Variants in METTL25 observed in about 807,000 individuals in gnomAD.
METTL25 encodes probable methyltransferase-like protein 25.
In METTL25, 64 loss-of-function variants were observed where a neutral mutation model predicts 71.6. The observed-to-expected ratio is 0.89, with a 90% CI of 0.73 to 1.10. METTL25 has a LOEUF of 1.10. Among genes scored for constraint, METTL25 ranks in the 50% least tolerant of loss-of-function variants. The pLI, the probability that METTL25 is intolerant of heterozygous loss-of-function variation, is 0.00. For synonymous variants in METTL25, 287 were observed against 250.3 expected (o/e 1.15, Z -1.38); for missense variants, 807 against 707.0 (o/e 1.14, Z -1.60).
In METTL25 at chr12:82,460,669, G is replaced by A. The variant is rs112751310; in HGVS notation, c.1572+3849G>A. On this transcript the variant is annotated intron_variant, in intron 9 of 11. Coordinates refer to ENST00000248306, the MANE Select transcript of METTL25 (RefSeq NM_032230.3). ...GATCAGTACTTCTCAAAACTGTCAA[G>A]GTCTGCAAATCAAGACAAGTTTGAG... is the stretch of plus-strand genomic sequence containing the variant. Among the ~76,000 whole-genome samples, 4 of 152,272 alleles carry A rather than the reference G, an allele frequency of 2.6e-5. No individual in the cohort carries two copies. In the South Asian group the frequency reaches 8.3e-4, roughly 32 times the overall value.
At chr12:82,467,780 T>G (rs567813197) in intron 9 of METTL25, among the ~76,000 whole-genome samples, 2 of 152,228 alleles carry the variant, frequency 1.3e-5, no homozygotes, top group South Asian at 4.1e-4. Flanking sequence ...TGTTTGGGTT[T>G]AATCTATTTG....
At chr12:82,423,377 A>G (rs892172509) in intron 5 of METTL25, among the ~76,000 whole-genome samples, 11 of 152,334 alleles carry the variant, frequency 7.2e-5, no homozygotes, top group African/African-American at 1.9e-4. Context: ...CTTACACCTT[A>G]TACAAAAATT....
Position 82,477,683 on chromosome 12 carries a change from G to A in METTL25, c.1719+331G>A, listed in dbSNP as rs117570142. On this transcript the variant is annotated intron_variant, in intron 11 of 11. Coordinates refer to ENST00000248306, the MANE Select transcript of METTL25 (RefSeq NM_032230.3). Reference sequence around the variant, plus strand: ...TAGACATAAAAGATATTGTATAAGCGTTTCATTTTGTAAGAATTTGTCTTT... The same window carrying A: ...TAGACATAAAAGATATTGTATAAGCATTTCATTTTGTAAGAATTTGTCTTT... 1.7e-3 allele frequency among the ~76,000 whole-genome samples: 255 copies of A among 151,772 alleles called. 3 individuals are homozygous for A. Among genetic ancestry groups the A allele is most frequent in the Admixed American group, 9.5e-3 (145 of 15,256 alleles).
At chr12:82,408,414 G>GA (rs1042300446) in intron 5 of METTL25, among the ~76,000 whole-genome samples, 7 of 151,798 alleles carry the variant, frequency 4.6e-5, no homozygotes, top group Non-Finnish European at 7.4e-5. Flanking sequence ...AAAACCTGGG[G>GA]AAAAAAACAC....
intron 1 of METTL25, among the ~76,000 whole-genome samples, chr12:82,368,741 T>C (rs1346703747): frequency 6.6e-6 from 1 of 152,204 alleles, no homozygotes; most frequent in African/African-American, 2.4e-5. Flanking sequence ...TCAGACCTTA[T>C]TAGTCCCTGC....
intron 1 of METTL25, among the ~76,000 whole-genome samples, chr12:82,365,311 T>C (rs1173049236): frequency 2.0e-5 from 3 of 152,238 alleles, no homozygotes; most frequent in South Asian, 4.1e-4. Context: ...TGTGGAAATA[T>C]AGTACTTTAT....
At position 82,399,295 on chromosome 12, in the gene METTL25, A is replaced by G. The variant is rs1886374813; in HGVS notation, c.1032A>G (p.Arg344=). The G allele has an allele frequency of 1.1e-5, 17 of 1,613,374 alleles. No individual in the cohort carries two copies. Among genetic ancestry groups the G allele is most frequent in the Non-Finnish European group, 1.4e-5 (17 of 1,179,652 alleles). The change falls in exon 4 of 12, where the codon AGA becomes AGG. Residue 344 remains arginine (R), a synonymous_variant. Coordinates refer to ENST00000248306, the MANE Select transcript of METTL25 (RefSeq NM_032230.3). ...CATCTGAAGCCAATAAAGAGAGAAG[A>G]AAAATGACATCAAAGTCAAGTGAAT... The part of the protein sequence containing the change: ...RETSEANKER[R]KMTSKSSESN...
At chr12:82,478,326 T>C (rs955605999) in intron 11 of METTL25, among the ~76,000 whole-genome samples, 1 of 151,800 alleles carries the variant, frequency 6.6e-6, no homozygotes, top group Non-Finnish European at 1.5e-5. Flanking sequence ...GAAATGTTAT[T>C]TTTAATATTT....
chr12:82,400,173 A>G (rs202031438), intron 4 of METTL25, among the ~76,000 whole-genome samples: 1 of 151,516 alleles, frequency 6.6e-6, no homozygotes, highest in African/African-American at 2.4e-5. Context: ...AATACAAAAA[A>G]AAATATATAT....
chr12:82,389,970 T>C, intron 3 of METTL25, 48 bp downstream of exon 3: 2 of 1,029,182 alleles, frequency 1.9e-6, no homozygotes, highest in Non-Finnish European at 3.0e-6. Flanking sequence ...ATTGCCACTT[T>C]TTGGTATTAT....
At chr12:82,469,272 G>A (rs2137296537) in intron 9 of METTL25, among the ~76,000 whole-genome samples, 1 of 152,242 alleles carries the variant, frequency 6.6e-6, no homozygotes, top group East Asian at 1.9e-4. Flanking sequence ...GAGACCTTCT[G>A]TGTTAGTCTG....
chr12:82,374,557 G>A (rs578198748), intron 1 of METTL25, among the ~76,000 whole-genome samples: 1 of 152,168 alleles, frequency 6.6e-6, no homozygotes, highest in African/African-American at 2.4e-5. Context: ...GACACAGAGT[G>A]CTGATTGGTG....
chr12:82,430,909 G>C lies in METTL25; in HGVS notation c.1296G>C (p.Lys432Asn), dbSNP rs770256096. ...CATCTGCAGAACGTACTCAGGAAAA[G>C]TGGGGATTTCCAATGTGCCACTATT... ...ENQHKERTQE[K>N]WGFPMCHYLK... The change falls in exon 6 of 12, where the codon AAG becomes AAC. Residue 432 changes from lysine (K) to asparagine (N), a missense_variant. Coordinates refer to ENST00000248306, the MANE Select transcript of METTL25 (RefSeq NM_032230.3). 3.1e-6 allele frequency: 5 copies of C among 1,591,864 alleles called. No individual in the cohort carries two copies. Among genetic ancestry groups the C allele is most frequent in the African/African-American group, 1.4e-5 (1 of 74,026 alleles).
At chr12:82,418,361 CAT>C (rs963350191) in intron 5 of METTL25, among the ~76,000 whole-genome samples, 1 of 152,222 alleles carries the variant, frequency 6.6e-6, no homozygotes, top group East Asian at 1.9e-4. Flanking sequence ...GCACATCAAA[CAT>C]AAAGGTGTAG....
chr12:82,377,592 C>T (rs1884002103), intron 1 of METTL25, among the ~76,000 whole-genome samples: 1 of 151,764 alleles, frequency 6.6e-6, no homozygotes, highest in Non-Finnish European at 1.5e-5. Context: ...ATTTAGTCTA[C>T]CAGTGAAAAA....
chr12:82,389,681 A>G, intron 2 of METTL25, 135 bp from the exon 3 acceptor site: 1 of 529,664 alleles, frequency 1.9e-6, no homozygotes, highest in Non-Finnish European at 3.4e-6. Context: ...CTAAGCTAGT[A>G]GAGATCTATC....
chr12:82,479,158 C>A lies in METTL25; in HGVS notation c.*134C>A. ...TGTATTTTAAATAATAAAATAATGGCTAACAACAGAAGGTTATAATCCATT... is the reference window on the plus strand; with the variant it reads ...TGTATTTTAAATAATAAAATAATGGATAACAACAGAAGGTTATAATCCATT... On this transcript the variant is annotated 3_prime_UTR_variant, in exon 12 of 12. Coordinates refer to ENST00000248306, the MANE Select transcript of METTL25 (RefSeq NM_032230.3). 2 of 588,228 alleles carry A rather than the reference C, an allele frequency of 3.4e-6. No individual in the cohort carries two copies. Among genetic ancestry groups the A allele is most frequent in the African/African-American group, 1.9e-5 (1 of 53,938 alleles). 36.4% of individuals were successfully genotyped at this position (588,228 alleles called of 1,614,324 possible). A position where few individuals can be genotyped will look rare whatever the true frequency, so the allele number is the denominator to read the frequency against.
chr12:82,459,102 G>A (rs372644440), intron 9 of METTL25, among the ~76,000 whole-genome samples: 1 of 151,912 alleles, frequency 6.6e-6, no homozygotes. Context: ...AAATTACAAA[G>A]CATACTAGAA....
intron 3 of METTL25, among the ~76,000 whole-genome samples, chr12:82,393,869 T>TA (rs1404952341): frequency 6.6e-6 from 1 of 152,044 alleles, no homozygotes; most frequent in African/African-American, 2.4e-5. Context: ...ACTTTTTTGT[T>TA]ACATGCATTT....
Sources: gnomAD v4.1 joint callset for allele counts (sites outside exome capture counted in the v4.1 genomes callset) on GRCh38, gnomAD v4.1.1 for gene constraint, MANE v1.5 for transcripts, NCBI Gene and HGNC (gene_info 2026-07-23, HGNC 2026-07-21) for gene names.